PTPRT: variants seen among roughly 807,000 people sequenced by gnomAD.
PTPRT encodes receptor-type tyrosine-protein phosphatase T.
A neutral mutation model predicts 176.8 loss-of-function variants in PTPRT; 56 were observed. The observed-to-expected ratio is 0.32, with a 90% CI of 0.26 to 0.40. The LOEUF (loss-of-function observed/expected upper bound fraction) is 0.40, where lower values mean the gene tolerates loss of function less well. Ranked by LOEUF, PTPRT falls within the 10% of genes least tolerant of loss-of-function variation. The probability of loss-of-function intolerance (pLI) is 1.00; values close to 1 mark genes in which losing one functional copy is unlikely to be tolerated. For missense variants in PTPRT, 1,540 were observed against 1,908.2 expected, an observed-to-expected ratio of 0.81 and a Z score of 3.60; for synonymous variants, 783 against 739.0, an observed-to-expected ratio of 1.06 and a Z score of -0.96.
intron 15 of PTPRT, among the ~76,000 whole-genome samples, chr20:42,212,416 C>CAAA (rs34652089): frequency 2.3e-4 from 21 of 90,558 alleles, no homozygotes; most frequent in Admixed American, 3.6e-4. Flanking sequence ...TCTTTTTTCT[C>CAAA]AAAAAAAAAA....
intron 9 of PTPRT, among the ~76,000 whole-genome samples, chr20:42,434,014 C>T (rs1394498773): frequency 6.6e-6 from 1 of 151,818 alleles, no homozygotes; most frequent in East Asian, 1.9e-4. Flanking sequence ...AATGGAGAGC[C>T]ATTAAATGGA....
chr20:42,685,009 T>A (rs569389484), intron 6 of PTPRT, among the ~76,000 whole-genome samples: 1 of 152,178 alleles, frequency 6.6e-6, no homozygotes, highest in South Asian at 2.1e-4. Context: ...TAGATACCCA[T>A]CCAAAGTCAA....
At chr20:42,614,888 G>C (rs965764625) in intron 7 of PTPRT, among the ~76,000 whole-genome samples, 1 of 151,078 alleles carries the variant, frequency 6.6e-6, no homozygotes, top group Admixed American at 6.6e-5. Flanking sequence ...GAGAGAGCTT[G>C]TATAGAGGAA....
chr20:43,114,616 T>A (rs1277608306), intron 1 of PTPRT, among the ~76,000 whole-genome samples: 8 of 152,188 alleles, frequency 5.3e-5, no homozygotes, highest in Middle Eastern at 3.2e-3. Context: ...ATAACAATAT[T>A]TTTTAAAAGC....
intron 22 of PTPRT, among the ~76,000 whole-genome samples, chr20:42,112,627 G>A (rs1987063684): frequency 6.6e-6 from 1 of 152,128 alleles, no homozygotes; most frequent in African/African-American, 2.4e-5. Context: ...GGGGTTAGGT[G>A]GAAGCAAGTC....
intron 12 of PTPRT, among the ~76,000 whole-genome samples, chr20:42,287,529 T>G (rs2057250401): frequency 6.6e-6 from 1 of 151,496 alleles, no homozygotes; most frequent in Non-Finnish European, 1.5e-5. Context: ...CTAAAATAAG[T>G]TGATCTCATA....
At chr20:42,489,155 G>A (rs143763882) in intron 7 of PTPRT, among the ~76,000 whole-genome samples, 3 of 151,496 alleles carry the variant, frequency 2.0e-5, no homozygotes, top group Admixed American at 6.6e-5. Context: ...CAACCTGCAG[G>A]TTAGTTACAT....
At chr20:42,268,658 A>G (rs2056879609) in intron 13 of PTPRT, among the ~76,000 whole-genome samples, 1 of 152,238 alleles carries the variant, frequency 6.6e-6, no homozygotes, top group Non-Finnish European at 1.5e-5. Context: ...GACTGCATGA[A>G]GCACATATGA....
chr20:42,764,700 C>A (rs1378324220), intron 5 of PTPRT, among the ~76,000 whole-genome samples: 1 of 152,202 alleles, frequency 6.6e-6, no homozygotes, highest in African/African-American at 2.4e-5. Context: ...CACCTATAAA[C>A]AGGGCTACAA....
chr20:42,991,789 T>A lies in PTPRT; in HGVS notation c.89-105857A>T, dbSNP rs1345619169. 2.0e-5 allele frequency among the ~76,000 whole-genome samples: 3 copies of A among 152,306 alleles called. No individual in the cohort carries two copies. In the East Asian group the frequency reaches 5.8e-4, roughly 29 times the overall value. ...AAGATAAACACATAATATAAGCATATCTGATTCCTTGTTGCAAATATTTGT... is the reference window on the plus strand; with the variant it reads ...AAGATAAACACATAATATAAGCATAACTGATTCCTTGTTGCAAATATTTGT... On this transcript the variant is annotated intron_variant, in intron 1 of 30. Transcript: ENST00000373187.
intron 1 of PTPRT, among the ~76,000 whole-genome samples, chr20:43,031,278 G>C (rs1986128094): frequency 6.6e-6 from 1 of 152,098 alleles, no homozygotes; most frequent in Admixed American, 6.6e-5. Flanking sequence ...TGAGTGCCTG[G>C]GTGCTGAACA....
At chr20:42,530,647 G>C (rs754830789) in intron 7 of PTPRT, among the ~76,000 whole-genome samples, 1 of 152,146 alleles carries the variant, frequency 6.6e-6, no homozygotes, top group Non-Finnish European at 1.5e-5. Context: ...TTTTGAACTT[G>C]CATGTGCTTC....
At chr20:42,773,797 C>T (rs1459745922) in intron 4 of PTPRT, among the ~76,000 whole-genome samples, 2 of 152,190 alleles carry the variant, frequency 1.3e-5, no homozygotes, top group African/African-American at 2.4e-5. Context: ...AACACATCCA[C>T]CCCAGGTGGG....
chr20:42,520,823 G>A (rs55771406), intron 7 of PTPRT, among the ~76,000 whole-genome samples: 10 of 124,514 alleles, frequency 8.0e-5, no homozygotes, highest in African/African-American at 2.7e-4. Context: ...ATATATATAT[G>A]TATGTATGGG....
At chr20:42,363,283 TA>T (rs1568812372) in intron 9 of PTPRT, among the ~76,000 whole-genome samples, 22 of 17,338 alleles carry the variant, frequency 1.3e-3, no homozygotes, top group African/African-American at 5.8e-3. Flanking sequence ...TATATATATA[TA>T]TATATATATA....
chr20:42,864,864 C>T (rs547185008), intron 2 of PTPRT, among the ~76,000 whole-genome samples: 31 of 152,286 alleles, frequency 2.0e-4, no homozygotes, highest in African/African-American at 7.2e-4. Flanking sequence ...AAAAATCAGG[C>T]TTGTAAAGGT....
chr20:42,663,699 A>G (rs940796101), intron 7 of PTPRT, among the ~76,000 whole-genome samples: 7 of 152,194 alleles, frequency 4.6e-5, no homozygotes, highest in African/African-American at 1.7e-4. Context: ...CACAAAACTG[A>G]CACAGTAATT....
chr20:42,544,829 T>C (rs2072645427), intron 7 of PTPRT, among the ~76,000 whole-genome samples: 1 of 152,186 alleles, frequency 6.6e-6, no homozygotes, highest in Admixed American at 6.5e-5. Flanking sequence ...AACATTTTTA[T>C]TCTTAAGAGA....
intron 1 of PTPRT, among the ~76,000 whole-genome samples, chr20:42,957,883 G>T (rs1192002234): frequency 1.3e-5 from 2 of 152,054 alleles, no homozygotes; most frequent in African/African-American, 2.4e-5. Context: ...TTCCAGGAGT[G>T]CCCTGTGCAG....
Sources: gnomAD v4.1 joint callset for allele counts (sites outside exome capture counted in the v4.1 genomes callset) on GRCh38, gnomAD v4.1.1 for gene constraint, MANE v1.5 for transcripts, NCBI Gene and HGNC (gene_info 2026-07-23, HGNC 2026-07-21) for gene names.